Variants in SIM1 observed in about 807,000 individuals in gnomAD.
SIM1 encodes SIM bHLH transcription factor 1, also known as single-minded homolog 1.
In SIM1, 18 loss-of-function variants were observed where a neutral mutation model predicts 78.2. The ratio of observed to expected loss-of-function variants is 0.23; its 90% confidence interval spans 0.16 to 0.34. The LOEUF (loss-of-function observed/expected upper bound fraction) is 0.34, where lower values mean the gene tolerates loss of function less well. SIM1 is among the 10% of genes least tolerant of loss of function. SIM1 has a pLI of 1.00. For synonymous variants in SIM1, 417 were observed against 385.2 expected, an observed-to-expected ratio of 1.08 and a Z score of -0.97; for missense variants, 939 against 975.1, an observed-to-expected ratio of 0.96 and a Z score of 0.49.
intron 10 of SIM1, among the ~76,000 whole-genome samples, chr6:100,394,969 A>T (rs1195732516): frequency 1.3e-5 from 2 of 152,152 alleles, no homozygotes; most frequent in Non-Finnish European, 2.9e-5. Context: ...ACCAGAAAAT[A>T]ACAAGCCACA....
Position 100,463,477 on chromosome 6 carries a change from G to C in SIM1, c.-9C>G. 1 of 1,594,142 alleles carries C rather than the reference G, an allele frequency of 6.3e-7. No individual in the cohort carries two copies. Among genetic ancestry groups the C allele is most frequent in the African/African-American group, 1.3e-5 (1 of 74,690 alleles). Reference sequence around the variant, plus strand: ...TTGGACTTTTCTTTCATTGTGTCTTGTTCCCCCTTTCTTCTCACAACTTAA... The same window carrying C: ...TTGGACTTTTCTTTCATTGTGTCTTCTTCCCCCTTTCTTCTCACAACTTAA... On this transcript the variant is annotated 5_prime_UTR_variant, in exon 2 of 12. Coordinates refer to ENST00000369208, the MANE Select transcript of SIM1 (RefSeq NM_005068.3).
chr6:100,433,532 CTTT>C (rs1441064207), intron 9 of SIM1, among the ~76,000 whole-genome samples: 3 of 152,084 alleles, frequency 2.0e-5, no homozygotes, highest in Admixed American at 1.3e-4. Context: ...TATTATATGA[CTTT>C]TTTATTTCTT....
At chr6:100,439,091 C>T (rs968347696) in intron 9 of SIM1, among the ~76,000 whole-genome samples, 3 of 151,820 alleles carry the variant, frequency 2.0e-5, no homozygotes, top group South Asian at 2.1e-4. Context: ...CCGTCTGTAC[C>T]CCCAAAACTA....
At chr6:100,463,103 G>A (rs375052701) in intron 2 of SIM1, 191 bp downstream of exon 2, 9 of 533,142 alleles carry the variant, frequency 1.7e-5, no homozygotes, top group African/African-American at 1.1e-4. Flanking sequence ...GGGAGGTAGA[G>A]GGAGCCTCAA....
rs1467222451 is a variant in SIM1, at chr6:100,389,755, C to G, written c.*606G>C. The G allele has an allele frequency of 5.0e-6, 2 of 398,870 alleles. No individual in the cohort carries two copies. The highest frequency in any genetic ancestry group is 8.8e-6 in the Non-Finnish European group (2 of 226,078). The allele number at this position is 398,870 out of a possible 1,614,324, so 24.7% of individuals were successfully genotyped here. On this transcript the variant is annotated 3_prime_UTR_variant, in exon 12 of 12. Transcript: ENST00000369208. ...TTATAATGGATACCAGGTGAAAACTCATTTTTGCACCATATCCAGAACCAT... is the reference window on the plus strand; with the variant it reads ...TTATAATGGATACCAGGTGAAAACTGATTTTTGCACCATATCCAGAACCAT...
chr6:100,411,894 T>C (rs1165049347), intron 10 of SIM1, among the ~76,000 whole-genome samples: 1 of 152,062 alleles, frequency 6.6e-6, no homozygotes, highest in Non-Finnish European at 1.5e-5. Context: ...AATAAATGCA[T>C]AAGCACAAGC....
At chr6:100,455,164 G>C (rs1304266490) in intron 2 of SIM1, among the ~76,000 whole-genome samples, 1 of 152,188 alleles carries the variant, frequency 6.6e-6, no homozygotes, top group East Asian at 1.9e-4. Context: ...CCTTGGTAAG[G>C]AGGAACCGTG....
chr6:100,406,695 A>G (rs1771058744), intron 10 of SIM1, among the ~76,000 whole-genome samples: 1 of 152,206 alleles, frequency 6.6e-6, no homozygotes, highest in South Asian at 2.1e-4. Context: ...GCTTTACTGC[A>G]GTATAATTGA....
At chr6:100,452,279 AT>A (rs1772531695) in intron 3 of SIM1, among the ~76,000 whole-genome samples, 1 of 151,926 alleles carries the variant, frequency 6.6e-6, no homozygotes, top group African/African-American at 2.4e-5. Context: ...TCTCCTCCTT[AT>A]TTTTCTCCAT....
chr6:100,453,236 G>A (rs553189039), intron 3 of SIM1, among the ~76,000 whole-genome samples: 26 of 152,342 alleles, frequency 1.7e-4, no homozygotes, highest in Admixed American at 1.4e-3. Context: ...GCCTGGGCTG[G>A]CTTGCAGTGA....
chr6:100,459,932 T>C (rs561822310), intron 2 of SIM1, among the ~76,000 whole-genome samples: 4 of 152,346 alleles, frequency 2.6e-5, no homozygotes, highest in Admixed American at 1.3e-4. Context: ...ATCCTGCCCC[T>C]CTGGCTTTGA....
At chr6:100,456,639 C>A (rs207467308) in intron 2 of SIM1, among the ~76,000 whole-genome samples, 2 of 152,204 alleles carry the variant, frequency 1.3e-5, no homozygotes, top group Non-Finnish European at 2.9e-5. Context: ...CCAAGAAATG[C>A]CACATTAACC....
chr6:100,414,206 C>T (rs1474929214), intron 10 of SIM1, among the ~76,000 whole-genome samples: 1 of 152,226 alleles, frequency 6.6e-6, no homozygotes, highest in Non-Finnish European at 1.5e-5. Context: ...CTGTCTGCCC[C>T]TTGCCTTAGT....
chr6:100,441,921 A>G (rs555761594), intron 9 of SIM1, among the ~76,000 whole-genome samples: 8 of 152,206 alleles, frequency 5.3e-5, no homozygotes, highest in Non-Finnish European at 1.2e-4. Flanking sequence ...CCTGTCTCTC[A>G]GACATCTTTC....
At chr6:100,462,015 G>C (rs1277087875) in intron 2 of SIM1, among the ~76,000 whole-genome samples, 1 of 151,822 alleles carries the variant, frequency 6.6e-6, no homozygotes, top group Non-Finnish European at 1.5e-5. Context: ...TTTTCCTTTA[G>C]CTTGGAGCAT....
chr6:100,413,881 C>T (rs1465599823), intron 10 of SIM1, among the ~76,000 whole-genome samples: 1 of 152,202 alleles, frequency 6.6e-6, no homozygotes, highest in Admixed American at 6.5e-5. Flanking sequence ...TAGTTCCCTT[C>T]CACCTCTTTA....
Position 100,453,883 on chromosome 6 carries a change from G to A in SIM1, c.176-39C>T, listed in dbSNP as rs142992595. The A allele has an allele frequency of 8.2e-5, 123 of 1,509,106 alleles. No homozygotes were observed. The East Asian group carries it at 2.4e-3, about 30-fold the overall frequency. 93.5% of individuals were successfully genotyped at this position (1,509,106 alleles called of 1,614,324 possible). ...GAAGCATCCTGTAGCCACTGAACCC[G>A]GACCTGACAGGCAGTTTGGGACCAA... is the stretch of plus-strand genomic sequence containing the variant. On this transcript the variant is annotated intron_variant, in intron 2 of 11. Transcript: ENST00000369208.
At chr6:100,397,347 A>C (rs2114469273) in intron 10 of SIM1, among the ~76,000 whole-genome samples, 1 of 152,314 alleles carries the variant, frequency 6.6e-6, no homozygotes, top group African/African-American at 2.4e-5. Flanking sequence ...GACCCATACT[A>C]TCAGCATTAC....
intron 10 of SIM1, among the ~76,000 whole-genome samples, chr6:100,401,547 G>A (rs1403458524): frequency 1.3e-5 from 2 of 151,928 alleles, no homozygotes; most frequent in Non-Finnish European, 2.9e-5. Context: ...CATGACATAT[G>A]TAACCTACTC....
Sources: gnomAD v4.1 joint callset for allele counts (sites outside exome capture counted in the v4.1 genomes callset) on GRCh38, gnomAD v4.1.1 for gene constraint, MANE v1.5 for transcripts, NCBI Gene and HGNC (gene_info 2026-07-23, HGNC 2026-07-21) for gene names.